The following ANKRD17 variants were observed in gnomAD, a reference collection of about 807,000 sequenced individuals.
ANKRD17 encodes the protein ankyrin repeat domain-containing protein 17.
ANKRD17 carries 19 observed loss-of-function variants against 229.7 expected under a neutral mutation model. The ratio of observed to expected loss-of-function variants is 0.08; its 90% CI spans 0.06 to 0.12. The LOEUF (loss-of-function observed/expected upper bound fraction) is 0.12. Ranked by LOEUF, ANKRD17 falls within the 10% of genes least tolerant of loss-of-function variation. The pLI, the probability that ANKRD17 is intolerant of heterozygous loss-of-function variation, is 1.00. For missense variants in ANKRD17, 2,176 were observed against 3,176.8 expected (o/e 0.68, Z 7.57); for synonymous variants, 1,112 against 1,146.1 (o/e 0.97, Z 0.60).
At chr4:73,154,823 C>T (rs955497812) in intron 5 of ANKRD17, among the ~76,000 whole-genome samples, 6 of 152,136 alleles carry the variant, frequency 3.9e-5, no homozygotes, top group African/African-American at 7.2e-5. Flanking sequence ...GGGCGGATCA[C>T]GAGGTCAGGA....
chr4:73,177,571 A>T lies in ANKRD17; in HGVS notation c.394-38T>A, dbSNP rs772710729. 4.0e-6 allele frequency: 6 copies of T among 1,516,514 alleles called. No homozygotes were observed. In the Admixed American group the frequency reaches 5.1e-5, roughly 13 times the overall value. 93.9% of individuals were successfully genotyped at this position (1,516,514 alleles called of 1,614,324 possible). A position where few individuals can be genotyped will look rare whatever the true frequency, so the allele number is the denominator to read the frequency against. On this transcript the variant is annotated intron_variant, in intron 1 of 33. Transcript: ENST00000358602. ...TGCAAAAAGAGGGAGGAAGGGAGAAATGAACAGCGAAAGGAAAAGAGGGGA... is the reference window on the plus strand; with the variant it reads ...TGCAAAAAGAGGGAGGAAGGGAGAATTGAACAGCGAAAGGAAAAGAGGGGA...
At chr4:73,217,425 CT>C (rs1240300371) in intron 1 of ANKRD17, among the ~76,000 whole-genome samples, 4 of 152,148 alleles carry the variant, frequency 2.6e-5, no homozygotes, top group African/African-American at 2.4e-5. Flanking sequence ...AAAAATTGGA[CT>C]TCCAAATAAG....
At chr4:73,127,919 A>G (rs1368028163) in intron 16 of ANKRD17, among the ~76,000 whole-genome samples, 1 of 152,222 alleles carries the variant, frequency 6.6e-6, no homozygotes, top group Non-Finnish European at 1.5e-5. Context: ...AGTTAAGAAA[A>G]AAGAAAAAGC....
chr4:73,095,883 T>A (rs1025770584), intron 27 of ANKRD17, among the ~76,000 whole-genome samples: 1 of 151,960 alleles, frequency 6.6e-6, no homozygotes, highest in Non-Finnish European at 1.5e-5. Flanking sequence ...AGAGATGGGG[T>A]CTTGCTATGT....
intron 28 of ANKRD17, 86 bp downstream of exon 28, chr4:73,093,993 G>A: frequency 7.7e-7 from 1 of 1,292,436 alleles, no homozygotes; most frequent in Non-Finnish European, 1.1e-6. Flanking sequence ...GTAACACAAA[G>A]TTCCACTGAA....
Position 73,076,947 on chromosome 4 carries a change from G to A in ANKRD17, c.7745C>T (p.Pro2582Leu). The change falls in exon 33 of 34, where the codon CCT becomes CTT. Residue 2582 changes from proline (P) to leucine (L), a missense_variant. By Grantham distance (98) the Pro-to-Leu change is moderately conservative. Around this residue, in one of 18 missense-constraint regions of ANKRD17, gnomAD observed 159 missense variants for 214.3 expected, o/e 0.74. Transcript: ENST00000358602. ...CTGAATGATCAGCCTCACCGTTTGA[G>A]GGCCATTATTTTCCGTGGAGCTGGA... The part of the protein sequence containing the change: ...MVSSSTENNG[P>L]QTVWTGPWAP... 1 of 1,610,114 alleles carries A rather than the reference G, an allele frequency of 6.2e-7. No individual in the cohort carries two copies. The highest frequency in any genetic ancestry group is 1.1e-5 in the South Asian group (1 of 90,034).
At chr4:73,105,863 T>C (rs1724547542) in intron 24 of ANKRD17, among the ~76,000 whole-genome samples, 1 of 152,120 alleles carries the variant, frequency 6.6e-6, no homozygotes, top group South Asian at 2.1e-4. Flanking sequence ...AGGTAGTGGG[T>C]AGGAGTTAGT....
At chr4:73,238,973 G>C (rs368622087) in intron 1 of ANKRD17, among the ~76,000 whole-genome samples, 14 of 152,244 alleles carry the variant, frequency 9.2e-5, no homozygotes, top group African/African-American at 2.9e-4. Flanking sequence ...ATATACAGCA[G>C]TGTAATACAC....
intron 7 of ANKRD17, among the ~76,000 whole-genome samples, chr4:73,151,032 A>C (rs760604060): frequency 7.3e-4 from 111 of 151,876 alleles, no homozygotes; most frequent in Admixed American, 2.5e-3. Context: ...TTTTTTTAAC[A>C]TTTTTTTAAA....
In ANKRD17 at chr4:73,179,518, A is replaced by ATTTTTT. The variant is rs56182757; in HGVS notation, c.394-1991_394-1986dup. Among the ~76,000 whole-genome samples, 176 of 40,772 alleles carry ATTTTTT rather than the reference A, an allele frequency of 4.3e-3. 19 individuals are homozygous for ATTTTTT. Among genetic ancestry groups the ATTTTTT allele is most frequent in the Admixed American group, 0.026 (71 of 2,758 alleles). The allele number at this position is 40,772 out of a possible 152,430, so 26.7% of individuals were successfully genotyped here. ...TATATATATATATATATATATATAT[A>ATTTTTT]TTTTTTTTTTTTTTTTTAAAGAGAC... On this transcript the variant is annotated intron_variant, in intron 1 of 33. Transcript: ENST00000358602.
At chr4:73,094,480 TGTATC>T (rs1723088725) in intron 27 of ANKRD17, among the ~76,000 whole-genome samples, 1 of 152,102 alleles carries the variant, frequency 6.6e-6, no homozygotes, top group Non-Finnish European at 1.5e-5. Flanking sequence ...ATTCTTCACT[TGTATC>T]GGTAAAGCAC....
chr4:73,219,341 T>C (rs1265032727), intron 1 of ANKRD17, among the ~76,000 whole-genome samples: 5 of 146,778 alleles, frequency 3.4e-5, no homozygotes, highest in African/African-American at 1.2e-4. Context: ...AAAAGAAATA[T>C]AACACGTATC....
At position 73,148,807 on chromosome 4, in the gene ANKRD17, G is replaced by C; in HGVS notation, c.1567+6C>G. 6.2e-7 allele frequency: 1 copy of C among 1,609,474 alleles called. No individual in the cohort carries two copies. Among genetic ancestry groups the C allele is most frequent in the Non-Finnish European group, 8.5e-7 (1 of 1,176,014 alleles). On this transcript the variant is annotated splice_donor_region_variant and intron_variant, in intron 8 of 33. Coordinates refer to ENST00000358602, the MANE Select transcript of ANKRD17 (RefSeq NM_032217.5). ...TATACTTTAGTGTCTTGATAGATACGGTTACCTTGACCAAGAAGTAATGCC... is the reference window on the plus strand; with the variant it reads ...TATACTTTAGTGTCTTGATAGATACCGTTACCTTGACCAAGAAGTAATGCC...
At chr4:73,173,213 T>C (rs910740260) in intron 2 of ANKRD17, among the ~76,000 whole-genome samples, 16 of 152,168 alleles carry the variant, frequency 1.1e-4, no homozygotes, top group Non-Finnish European at 7.3e-5. Flanking sequence ...GACAAGATCA[T>C]TATATAATTA....
At chr4:73,238,009 T>A (rs940327630) in intron 1 of ANKRD17, among the ~76,000 whole-genome samples, 3 of 151,620 alleles carry the variant, frequency 2.0e-5, no homozygotes, top group African/African-American at 7.3e-5. Flanking sequence ...GAACTGAAAA[T>A]ATTTACTAGC....
intron 1 of ANKRD17, among the ~76,000 whole-genome samples, chr4:73,247,411 T>C (rs756755654): frequency 7.2e-5 from 11 of 152,058 alleles, no homozygotes; most frequent in Admixed American, 2.0e-4. Context: ...AAAATAACTG[T>C]ACAAGGATGT....
Position 73,154,046 on chromosome 4 carries a change from G to T in ANKRD17, c.1068C>A (p.Ser356=), listed in dbSNP as rs148792097. The change falls in exon 6 of 34, where the codon TCC becomes TCA. Residue 356 remains serine, a synonymous_variant. Transcript: ENST00000358602. ...YVDVVKVLLE[S]GASIEDHNEN... is the part of the protein sequence containing the mutation. Reference sequence around the variant, plus strand: ...CATTATGGTCCTCAATACTAGCACCGGATTCCAAGAGCACCTTTACAACAT... The same window carrying T: ...CATTATGGTCCTCAATACTAGCACCTGATTCCAAGAGCACCTTTACAACAT... The T allele has an allele frequency of 2.5e-6, 4 of 1,611,974 alleles. No homozygotes were observed. The highest frequency in any genetic ancestry group is 3.4e-5 in the Admixed American group (2 of 59,492).
intron 29 of ANKRD17, among the ~76,000 whole-genome samples, 189 bp downstream of exon 29, chr4:73,090,478 T>C (rs934727895): frequency 1.2e-4 from 18 of 152,338 alleles, no homozygotes; most frequent in African/African-American, 4.1e-4. Context: ...AATAAAAATC[T>C]ATGGTAGCTT....
At chr4:73,120,016 C>G in intron 21 of ANKRD17, 146 bp downstream of exon 21, 1 of 819,714 alleles carries the variant, frequency 1.2e-6, no homozygotes, top group Non-Finnish European at 1.9e-6. Context: ...GGTTGGAAAA[C>G]AATGGGTAGG....
Sources: allele counts gnomAD v4.1 joint callset (sites outside exome capture counted in the v4.1 genomes callset), GRCh38; gene constraint gnomAD v4.1.1; regional missense constraint gnomAD v4.1.1; transcripts MANE v1.5; gene names NCBI Gene and HGNC (gene_info 2026-07-23, HGNC 2026-07-21).